SLC4A3: variants seen among roughly 807,000 people sequenced by gnomAD.
SLC4A3 encodes anion exchange protein 3.
SLC4A3 carries 47 observed loss-of-function variants against 114.2 expected under a neutral mutation model. The ratio of observed to expected loss-of-function variants is 0.41; its 90% CI spans 0.33 to 0.52. SLC4A3 has a LOEUF of 0.52. SLC4A3 is among the 20% of genes least tolerant of loss of function. The probability of loss-of-function intolerance (pLI) is 0.21; values close to 1 mark genes in which losing one functional copy is unlikely to be tolerated. For synonymous variants in SLC4A3, 693 were observed against 710.3 expected, an observed-to-expected ratio of 0.98 and a Z score of 0.39; for missense variants, 1,312 against 1,668.3, an observed-to-expected ratio of 0.79 and a Z score of 3.72.
chr2:219,640,227 C>T (rs1699275555), intron 20 of SLC4A3, among the ~76,000 whole-genome samples: 1 of 70,468 alleles, frequency 1.4e-5, no homozygotes, highest in Non-Finnish European at 2.6e-5. Context: ...ATGTGTCTGC[C>T]CCCCCCCCCG....
rs1193924398 is a variant in SLC4A3 at position 219,637,190 on chromosome 2, AGGAGTGTGT to A, written c.2535+318_2535+326del. Among the ~76,000 whole-genome samples, 1 of 141,338 alleles carries A rather than the reference AGGAGTGTGT, an allele frequency of 7.1e-6. No homozygotes were observed. Among genetic ancestry groups the A allele is most frequent in the Non-Finnish European group, 1.6e-5 (1 of 62,496 alleles). 92.7% of individuals were successfully genotyped at this position (141,338 alleles called of 152,430 possible). ...GGTGTCCTTGGGTCACCTTTTGTAGAGGAGTGTGTGTGTGTGTGTGGGTGTGGGTGTGGT... is the reference window on the plus strand; with the variant it reads ...GGTGTCCTTGGGTCACCTTTTGTAGAGTGTGTGTGTGGGTGTGGGTGTGGT... On this transcript the variant is annotated intron_variant, in intron 16 of 22. Coordinates refer to ENST00000358055, the MANE Select transcript of SLC4A3 (RefSeq NM_005070.4). The surrounding 1 kb of genome is among the most constrained non-coding windows in gnomAD (Gnocchi z 4.6).
At position 219,633,409 on chromosome 2, in the gene SLC4A3, C is replaced by G. The variant is rs1400335750; in HGVS notation, c.1413C>G (p.Asp471Glu). The change falls in exon 10 of 23, where the codon GAC (aspartate) becomes GAG (glutamate). Residue 471 changes from aspartate (D) to glutamate (E), a missense_variant. Transcript: ENST00000358055. ...PDGAVPTMAD[D>E]LGEPAPLWPH... The stretch of plus-strand genomic sequence containing the variant: ...GGGCGGTGCCTACCATGGCTGATGA[C>G]CTGGGGGAGCCAGCCCCACTCTGGC... 1.9e-6 allele frequency: 3 copies of G among 1,576,018 alleles called. No individual in the cohort carries two copies. Among genetic ancestry groups the G allele is most frequent in the Non-Finnish European group, 2.6e-6 (3 of 1,160,580 alleles).
At position 219,632,076 on chromosome 2, in the gene SLC4A3, GGAA is replaced by G. The variant is rs557843124; in HGVS notation, c.933_935del (p.Lys313del). 3.2e-4 allele frequency: 512 copies of G among 1,613,510 alleles called. 1 individual carries two copies. Among genetic ancestry groups the G allele is most frequent in the Middle Eastern group, 2.1e-3 (13 of 6,052 alleles). On this transcript the variant is annotated inframe_deletion, in exon 7 of 23. Coordinates refer to ENST00000358055, the MANE Select transcript of SLC4A3 (RefSeq NM_005070.4). ...AGCGGCCTGGCCCCCATCCTTCGCA[GGAA>G]GAAGAAGAAGAAAAAGCTGGACCGG...
rs376530369 is a variant in SLC4A3 at position 219,629,125 on chromosome 2, G to T, written c.218-19G>T. The T allele has an allele frequency of 8.8e-5, 137 of 1,553,934 alleles. No individual in the cohort carries two copies. The highest frequency in any genetic ancestry group is 1.1e-4 in the Non-Finnish European group (130 of 1,149,886). On this transcript the variant is annotated intron_variant, in intron 3 of 22. Transcript: ENST00000358055. ...TGTTTCTGCTGTGGGGGCCTCAACC[G>T]GATCTCCTGCACCCCCAGTTCACCG...
Position 219,631,967 on chromosome 2 carries a change from G to C in SLC4A3, c.812-1G>C. 1 of 1,598,566 alleles carries C rather than the reference G, an allele frequency of 6.3e-7. No individual in the cohort carries two copies. The highest frequency in any genetic ancestry group is 8.5e-7 in the Non-Finnish European group (1 of 1,171,892). ...GACCCCCAAGCCCATCTTCTCTGCA[G>C]GTCACCGACTGGAGGACAACCCTGG... On this transcript the variant is annotated splice_acceptor_variant, in intron 6 of 22. Coordinates refer to ENST00000358055, the MANE Select transcript of SLC4A3 (RefSeq NM_005070.4). LOFTEE classifies it high-confidence loss of function. The surrounding 1 kb of genome is among the most constrained non-coding windows in gnomAD (Gnocchi z 6.3).
rs958756928 is a variant in SLC4A3, at chr2:219,637,641, C to G, written c.2596C>G (p.Leu866Val). ...YPPEGALEGS[L>V]DAGLEPNGSA... ...CCCTGAGGGGGCCCTGGAGGGGTCC[C>G]TGGATGCTGGTCTGGAGCCAAATGG... is the stretch of plus-strand genomic sequence containing the variant. The change falls in exon 17 of 23, where the codon CTG (leucine) becomes GTG (valine). Residue 866 changes from leucine to valine, a missense_variant. This residue lies in a region of SLC4A3 where 771 missense variants were observed against 977.7 expected (regional missense o/e 0.79). Transcript: ENST00000358055. The surrounding 1 kb of genome is among the most constrained non-coding windows in gnomAD (Gnocchi z 4.6). 5 of 1,613,302 alleles carry G rather than the reference C, an allele frequency of 3.1e-6. No individual in the cohort carries two copies. The highest frequency in any genetic ancestry group is 4.2e-6 in the Non-Finnish European group (5 of 1,179,388).
rs1311216965 is a variant in SLC4A3 at position 219,631,536 on chromosome 2, C to T, written c.812-432C>T. The T allele has an allele frequency of 3.3e-6, 4 of 1,219,516 alleles. No individual in the cohort carries two copies. Among genetic ancestry groups the T allele is most frequent in the Non-Finnish European group, 4.3e-6 (4 of 928,010 alleles). The allele number at this position is 1,219,516 out of a possible 1,614,324, so 75.5% of individuals were successfully genotyped here. ...ACAGGAGGAAGGGAGCGAAGCCCTG[C>T]CTGAGTCTACTGGGCTGTGTACCTT... On this transcript the variant is annotated intron_variant, in intron 6 of 22. Coordinates refer to ENST00000358055, the MANE Select transcript of SLC4A3 (RefSeq NM_005070.4). The surrounding 1 kb of genome is among the most constrained non-coding windows in gnomAD (Gnocchi z 6.3).
chr2:219,635,706 C>T lies in SLC4A3; in HGVS notation c.2006C>T (p.Thr669Ile). ...LSLELGGSEA[T>I]PEDDPLLRTG... ...TTGGAGTTGGGGGGCTCTGAGGCAA[C>T]CCCTGAAGATGACCCCTTGCTGCGG... Residue 669 changes from threonine (T) to isoleucine (I), a missense_variant, in exon 14 of 23, where the codon ACC becomes ATC. Physicochemically the swap from Thr to Ile is moderately conservative, Grantham distance 89 (BLOSUM62 -1). Transcript: ENST00000358055. The T allele has an allele frequency of 6.3e-7, 1 of 1,592,412 alleles. No individual in the cohort carries two copies. Among genetic ancestry groups the T allele is most frequent in the South Asian group, 1.1e-5 (1 of 87,268 alleles).
chr2:219,636,136 G>T lies in SLC4A3; in HGVS notation c.2192-166G>T, dbSNP rs930695016. Among the ~76,000 whole-genome samples, 28 of 152,124 alleles carry T rather than the reference G, an allele frequency of 1.8e-4. No homozygotes were observed. The highest frequency in any genetic ancestry group is 9.2e-4 in the Admixed American group (14 of 15,274). ...GAGGGATCCTGTGATCACCATTGGGGGCTAGTGGGGAGGGTTTGGGAGCAA... is the reference window on the plus strand; with the variant it reads ...GAGGGATCCTGTGATCACCATTGGGTGCTAGTGGGGAGGGTTTGGGAGCAA... On this transcript the variant is annotated intron_variant, in intron 14 of 22. Coordinates refer to ENST00000358055, the MANE Select transcript of SLC4A3 (RefSeq NM_005070.4). This position sits in a 1 kb window ranked among gnomAD's most constrained non-coding sequence, Gnocchi z 5.5.
rs1699300409 is a variant in SLC4A3, at chr2:219,640,777, C to G, written c.3448-12C>G. The G allele has an allele frequency of 6.2e-7, 1 of 1,608,074 alleles. No individual in the cohort carries two copies. The highest frequency in any genetic ancestry group is 2.2e-5 in the East Asian group (1 of 44,774). On this transcript the variant is annotated splice_polypyrimidine_tract_variant and intron_variant, in intron 21 of 22. Coordinates refer to ENST00000358055, the MANE Select transcript of SLC4A3 (RefSeq NM_005070.4). ...GACGCTGTGCACTGGGGCCCACTGGCTGCTCCCCTAGGTGAAGACGTGGCG... is the reference window on the plus strand; with the variant it reads ...GACGCTGTGCACTGGGGCCCACTGGGTGCTCCCCTAGGTGAAGACGTGGCG...
Position 219,641,574 on chromosome 2 carries a change from GGTTGGAGGAGGAGCT to G in SLC4A3, c.3622-75_3622-61del. On this transcript the variant is annotated intron_variant, in intron 22 of 22. Coordinates refer to ENST00000358055, the MANE Select transcript of SLC4A3 (RefSeq NM_005070.4). This position sits in a 1 kb window ranked among gnomAD's most constrained non-coding sequence, Gnocchi z 4.0. ...AGGTCAGGGAGCAGGGAGGGCTGCA[GGTTGGAGGAGGAGCT>G]GGAGAATGGGAGGGGACGAGCATGC... The G allele has an allele frequency of 8.5e-7, 1 of 1,177,146 alleles. No individual in the cohort carries two copies. The highest frequency in any genetic ancestry group is 1.3e-6 in the Non-Finnish European group (1 of 787,930). The allele number at this position is 1,177,146 out of a possible 1,614,324, so 72.9% of individuals were successfully genotyped here. A position where few individuals can be genotyped will look rare whatever the true frequency, so the allele number is the denominator to read the frequency against.
chr2:219,632,027 A>G lies in SLC4A3; in HGVS notation c.871A>G (p.Thr291Ala). 1 of 1,613,596 alleles carries G rather than the reference A, an allele frequency of 6.2e-7. No homozygotes were observed. Among genetic ancestry groups the G allele is most frequent in the Non-Finnish European group, 8.5e-7 (1 of 1,179,828 alleles). The change falls in exon 7 of 23, where the codon ACG becomes GCG. Residue 291 changes from threonine (T) to alanine (A), a missense_variant. Thr to Ala is a moderately conservative substitution (Grantham distance 58). This residue lies in a region of SLC4A3 where 771 missense variants were observed against 977.7 expected (regional missense o/e 0.79). Transcript: ENST00000358055. ...ACACTTAGTGAAAAAGCCCTCCCGGACGCAGGGCGGGAGGGGCAGTCCCAG... is the reference window on the plus strand; with the variant it reads ...ACACTTAGTGAAAAAGCCCTCCCGGGCGCAGGGCGGGAGGGGCAGTCCCAG... ...RRHLVKKPSR[T>A]QGGRGSPSGL...
rs1699014027 is a variant in SLC4A3 at position 219,633,559 on chromosome 2, G to A, written c.1461+102G>A. The A allele has an allele frequency of 4.5e-6, 5 of 1,111,488 alleles. No individual in the cohort carries two copies. In the Admixed American group the frequency reaches 9.5e-5, roughly 21 times the overall value. The allele number at this position is 1,111,488 out of a possible 1,614,324, so 68.9% of individuals were successfully genotyped here. ...CTGAGTGGGTTGGGAAGGTTGGATT[G>A]CTGGCATCATGCTGGGCATTCGGGG... On this transcript the variant is annotated intron_variant, in intron 10 of 22. Transcript: ENST00000358055.
Position 219,629,397 on chromosome 2 carries a change from C to A in SLC4A3, c.471C>A (p.His157Gln), listed in dbSNP as rs751614801. The A allele has an allele frequency of 2.5e-6, 4 of 1,585,746 alleles. No homozygotes were observed. Among genetic ancestry groups the A allele is most frequent in the South Asian group, 1.2e-5 (1 of 86,144 alleles). The change falls in exon 4 of 23, where the codon CAC becomes CAA. Residue 157 changes from histidine (H) to glutamine (Q), a missense_variant. Coordinates refer to ENST00000358055, the MANE Select transcript of SLC4A3 (RefSeq NM_005070.4). ...AGGCAGAACCTGTGGAGCCCCCCCA[C>A]TCAGGGACCCCACAGAAGGCAAAGG... is the stretch of plus-strand genomic sequence containing the variant. The part of the protein sequence containing the change: ...ESEAEPVEPP[H>Q]SGTPQKAKFS...
chr2:219,635,394 T>C lies in SLC4A3; in HGVS notation c.1870T>C (p.Ser624Pro), dbSNP rs763373171. 1 of 1,614,126 alleles carries C rather than the reference T, an allele frequency of 6.2e-7. No homozygotes were observed. The highest frequency in any genetic ancestry group is 1.1e-5 in the South Asian group (1 of 91,084). The change falls in exon 13 of 23, where the codon TCC becomes CCC. Residue 624 changes from serine to proline, a missense_variant. Physicochemically the swap from Ser to Pro is moderately conservative, Grantham distance 74. This residue lies in a region of SLC4A3 where 771 missense variants were observed against 977.7 expected (regional missense o/e 0.79). Coordinates refer to ENST00000358055, the MANE Select transcript of SLC4A3 (RefSeq NM_005070.4). ...SEVEGRDLLR[S>P]VAAFQRELLR... is the part of the protein sequence containing the mutation. ...GGTGGAGGGCCGTGACCTGCTGCGC[T>C]CCGTGGCTGCTTTCCAGCGAGAGCT...
In SLC4A3 at chr2:219,630,676, C is replaced by T. The variant is rs1391876605; in HGVS notation, c.811+324C>T. ...CCTCTTCTCGGGGTGAACTCTCTGT[C>T]TCCTCTTTGATCCCCTCCAAACCAG... On this transcript the variant is annotated intron_variant, in intron 6 of 22. Coordinates refer to ENST00000358055, the MANE Select transcript of SLC4A3 (RefSeq NM_005070.4). The surrounding 1 kb of genome is among the most constrained non-coding windows in gnomAD (Gnocchi z 6.9). Among the ~76,000 whole-genome samples the T allele has an allele frequency of 1.3e-5, 2 of 152,194 alleles. No individual in the cohort carries two copies. Among genetic ancestry groups the T allele is most frequent in the Non-Finnish European group, 2.9e-5 (2 of 68,044 alleles).
At position 219,640,946 on chromosome 2, in the gene SLC4A3, A is replaced by T. The variant is rs150077981; in HGVS notation, c.3605A>T (p.Asp1202Val). The change falls in exon 22 of 23, where the codon GAC (aspartate) becomes GTC (valine). Residue 1202 changes from aspartate (D) to valine (V), a missense_variant. By Grantham distance (152) the Asp-to-Val change is radical. Coordinates refer to ENST00000358055, the MANE Select transcript of SLC4A3 (RefSeq NM_005070.4). ...RHCLLPRLFQ[D>V]RELQALDSED... ...TGCCTTCTGCCCCGGCTCTTCCAGGACAGGGAGCTGCAGGCGGTAAGGGGG... is the reference window on the plus strand; with the variant it reads ...TGCCTTCTGCCCCGGCTCTTCCAGGTCAGGGAGCTGCAGGCGGTAAGGGGG... 6.2e-7 allele frequency: 1 copy of T among 1,606,690 alleles called. No individual in the cohort carries two copies. The highest frequency in any genetic ancestry group is 8.5e-7 in the Non-Finnish European group (1 of 1,179,972).
At position 219,631,118 on chromosome 2, in the gene SLC4A3, C is replaced by T. The variant is rs1028875228; in HGVS notation, c.811+766C>T. ...GCTTGTGGACTTGGGGAGTTGGGGT[C>T]GGGAGGCTGTGCCACCTTCAGCTCT... is the stretch of plus-strand genomic sequence containing the variant. On this transcript the variant is annotated intron_variant, in intron 6 of 22. Coordinates refer to ENST00000358055, the MANE Select transcript of SLC4A3 (RefSeq NM_005070.4). This position sits in a 1 kb window ranked among gnomAD's most constrained non-coding sequence, Gnocchi z 6.3. 38 of 1,158,098 alleles carry T rather than the reference C, an allele frequency of 3.3e-5. No homozygotes were observed. In the African/African-American group the frequency reaches 4.2e-4, roughly 13 times the overall value. 71.7% of individuals were successfully genotyped at this position (1,158,098 alleles called of 1,614,324 possible). A position where few individuals can be genotyped will look rare whatever the true frequency, so the allele number is the denominator to read the frequency against.
In SLC4A3 at chr2:219,641,613, GCTTCCCTGCCTTCCCCAAC is replaced by G. The variant is rs1699328698; in HGVS notation, c.3622-33_3622-15del. On this transcript the variant is annotated intron_variant, in intron 22 of 22. Transcript: ENST00000358055. This position sits in a 1 kb window ranked among gnomAD's most constrained non-coding sequence, Gnocchi z 4.0. ...CTGGAGAATGGGAGGGGACGAGCAT[GCTTCCCTGCCTTCCCCAAC>G]CTTCTGTTCCCTCTGCAGCTGGACT... 6.4e-7 allele frequency: 1 copy of G among 1,554,378 alleles called. No homozygotes were observed. Among genetic ancestry groups the G allele is most frequent in the African/African-American group, 1.4e-5 (1 of 73,760 alleles).
Sources: gnomAD v4.1 joint callset for allele counts (sites outside exome capture counted in the v4.1 genomes callset) on GRCh38, gnomAD v4.1.1 for gene constraint, gnomAD v4.1.1 regional missense constraint, Gnocchi (gnomAD v3.1) non-coding constraint, MANE v1.5 for transcripts, NCBI Gene and HGNC (gene_info 2026-07-23, HGNC 2026-07-21) for gene names.